The following TTPA variants were observed in gnomAD, a reference collection of about 807,000 sequenced individuals.
TTPA encodes the protein alpha tocopherol transfer protein, also known as alpha-tocopherol transfer protein.
Under a neutral mutation model 25.9 loss-of-function variants are expected in TTPA, and 23 were observed. The ratio of observed to expected loss-of-function variants is 0.89; its 90% confidence interval spans 0.64 to 1.26. The LOEUF (loss-of-function observed/expected upper bound fraction) is 1.26. Among genes scored for constraint, TTPA ranks in the 50% most tolerant of loss-of-function variants. The pLI, the probability that TTPA is intolerant of heterozygous loss-of-function variation, is 0.00. For missense variants in TTPA, 337 were observed against 353.1 expected, an observed-to-expected ratio of 0.95 and a Z score of 0.37; for synonymous variants, 148 against 137.3, an observed-to-expected ratio of 1.08 and a Z score of -0.54.
At chr8:63,083,545 T>A (rs539865305) in intron 1 of TTPA, among the ~76,000 whole-genome samples, 88 of 151,798 alleles carry the variant, frequency 5.8e-4, no homozygotes, top group Non-Finnish European at 1.0e-3. Flanking sequence ...AAATGACGAG[T>A]TGATGGGTGC....
rs10543235 is a variant in TTPA, at chr8:63,060,673, G to GA, written c.*578dup. On this transcript the variant is annotated 3_prime_UTR_variant, in exon 5 of 5. Coordinates refer to ENST00000260116, the MANE Select transcript of TTPA (RefSeq NM_000370.3). ...TGGGCGACAGAGCAAGACTCTGTCT[G>GA]AAAAAAAAAAAAAAAGTTTCTATCG... 168 of 145,678 alleles carry GA rather than the reference G, an allele frequency of 1.2e-3. No homozygotes were observed. The highest frequency in any genetic ancestry group is 3.6e-3 in the Middle Eastern group (1 of 278). The allele number at this position is 145,678 out of a possible 1,614,324, so 9.0% of individuals were successfully genotyped here. A position where few individuals can be genotyped will look rare whatever the true frequency, so the allele number is the denominator to read the frequency against.
chr8:63,083,030 C>T (rs1805688772), intron 1 of TTPA, among the ~76,000 whole-genome samples: 3 of 152,182 alleles, frequency 2.0e-5, no homozygotes, highest in African/African-American at 7.2e-5. Flanking sequence ...TGCTTTTACA[C>T]TGTTAGTGGG....
chr8:63,080,873 G>A (rs1232437464), intron 1 of TTPA, among the ~76,000 whole-genome samples: 1 of 151,832 alleles, frequency 6.6e-6, no homozygotes, highest in African/African-American at 2.4e-5. Context: ...ACACCTCTAT[G>A]CAAATAAACT....
chr8:63,083,489 G>A (rs1056450673), intron 1 of TTPA, among the ~76,000 whole-genome samples: 2 of 152,120 alleles, frequency 1.3e-5, no homozygotes, highest in African/African-American at 4.8e-5. Context: ...CCTGTTGGAG[G>A]GTGGTGAGCT....
In TTPA at chr8:63,073,237, A is replaced by T. The variant is rs1585691526; in HGVS notation, c.205-149T>A. 8.5e-6 allele frequency: 6 copies of T among 706,184 alleles called. No individual in the cohort carries two copies. The South Asian group carries it at 1.1e-4, about 13-fold the overall frequency. The allele number at this position is 706,184 out of a possible 1,614,324, so 43.7% of individuals were successfully genotyped here. On this transcript the variant is annotated intron_variant, in intron 1 of 4. Coordinates refer to ENST00000260116, the MANE Select transcript of TTPA (RefSeq NM_000370.3). ...GGTATCTTTTCAGCTGTGAAAACTGAAAGTTCTTTTATCAAGGATCTGAGG... is the reference window on the plus strand; with the variant it reads ...GGTATCTTTTCAGCTGTGAAAACTGTAAGTTCTTTTATCAAGGATCTGAGG...
Position 63,060,676 on chromosome 8 carries a change from A to G in TTPA, c.*576T>C, listed in dbSNP as rs1326300060. Reference sequence around the variant, plus strand: ...GCGACAGAGCAAGACTCTGTCTGAAAAAAAAAAAAAAAGTTTCTATCGTGT... The same window carrying G: ...GCGACAGAGCAAGACTCTGTCTGAAGAAAAAAAAAAAAGTTTCTATCGTGT... On this transcript the variant is annotated 3_prime_UTR_variant, in exon 5 of 5. Coordinates refer to ENST00000260116, the MANE Select transcript of TTPA (RefSeq NM_000370.3). 6.7e-5 allele frequency: 2 copies of G among 29,880 alleles called. No homozygotes were observed. 1.9% of individuals were successfully genotyped at this position (29,880 alleles called of 1,614,324 possible). A position where few individuals can be genotyped will look rare whatever the true frequency, so the allele number is the denominator to read the frequency against.
chr8:63,081,710 T>A (rs1475994572), intron 1 of TTPA, among the ~76,000 whole-genome samples: 2 of 152,202 alleles, frequency 1.3e-5, no homozygotes, highest in African/African-American at 2.4e-5. Flanking sequence ...TGTCCCTGTT[T>A]GCAGAAGACA....
chr8:63,084,840 G>T (rs1304845140), intron 1 of TTPA, among the ~76,000 whole-genome samples: 2 of 152,170 alleles, frequency 1.3e-5, no homozygotes, highest in Non-Finnish European at 2.9e-5. Context: ...CTGTCTCTAT[G>T]GAGTAGCCAT....
intron 4 of TTPA, 82 bp from the exon 5 acceptor site, chr8:63,061,507 C>A: frequency 8.2e-7 from 1 of 1,216,086 alleles, no homozygotes; most frequent in Non-Finnish European, 1.2e-6. Flanking sequence ...ACAAGGTATT[C>A]TAATAACTTC....
Position 63,061,137 on chromosome 8 carries a change from A to T in TTPA, c.*115T>A. On this transcript the variant is annotated 3_prime_UTR_variant, in exon 5 of 5. Transcript: ENST00000260116. ...CATGTCAGAAGATTTCTACATTTTT[A>T]AAGTTCAGGCAAGCATTAGTTTAAA... The T allele has an allele frequency of 9.0e-7, 1 of 1,111,172 alleles. No homozygotes were observed. Among genetic ancestry groups the T allele is most frequent in the Non-Finnish European group, 1.3e-6 (1 of 758,732 alleles). The allele number at this position is 1,111,172 out of a possible 1,614,324, so 68.8% of individuals were successfully genotyped here. A position where few individuals can be genotyped will look rare whatever the true frequency, so the allele number is the denominator to read the frequency against.
At chr8:63,058,542 T>C (rs1236902662), downstream of TTPA, among the ~76,000 whole-genome samples, 1 of 152,196 alleles carries the variant, frequency 6.6e-6, no homozygotes, top group Non-Finnish European at 1.5e-5. Context: ...TAAAGTAATA[T>C]AGACAATTAG....
At chr8:63,061,502 G>A in intron 4 of TTPA, 77 bp from the exon 5 acceptor site, 2 of 1,331,662 alleles carry the variant, frequency 1.5e-6, no homozygotes, top group East Asian at 2.3e-5. Flanking sequence ...ATAAAACAAG[G>A]TATTCTAATA....
chr8:63,085,495 G>T (rs1173685483), intron 1 of TTPA, among the ~76,000 whole-genome samples: 1 of 152,180 alleles, frequency 6.6e-6, no homozygotes, highest in Non-Finnish European at 1.5e-5. Context: ...GGAGAGGAAG[G>T]CATGTCCCCC....
chr8:63,081,143 A>C (rs1169140428), intron 1 of TTPA, among the ~76,000 whole-genome samples: 1 of 152,208 alleles, frequency 6.6e-6, no homozygotes, highest in East Asian at 1.9e-4. Flanking sequence ...TCATTTTATG[A>C]GGCCAGCATC....
chr8:63,076,634 A>G (rs1352383216), intron 1 of TTPA, among the ~76,000 whole-genome samples: 1 of 152,180 alleles, frequency 6.6e-6, no homozygotes, highest in Non-Finnish European at 1.5e-5. Context: ...CCAGAGGCTG[A>G]TGGTCAATTT....
chr8:63,076,068 G>A (rs540786649), intron 1 of TTPA, among the ~76,000 whole-genome samples: 3 of 152,232 alleles, frequency 2.0e-5, no homozygotes, highest in African/African-American at 7.2e-5. Flanking sequence ...ATTTGACAGC[G>A]CAGGCTCTCT....
intron 1 of TTPA, among the ~76,000 whole-genome samples, chr8:63,080,752 TAAA>T (rs896781376): frequency 4.9e-5 from 7 of 144,110 alleles, no homozygotes; most frequent in Non-Finnish European, 1.1e-4. Context: ...ATAATAATAA[TAAA>T]GAAGAAAAGA....
chr8:63,079,616 G>C (rs1805628572), intron 1 of TTPA, among the ~76,000 whole-genome samples: 1 of 152,148 alleles, frequency 6.6e-6, no homozygotes, highest in Non-Finnish European at 1.5e-5. Context: ...AATTCAACAA[G>C]AAGAGCTAAC....
At chr8:63,066,240 A>G (rs1161284888) in intron 2 of TTPA, 143 bp from the exon 3 acceptor site, 1 of 879,004 alleles carries the variant, frequency 1.1e-6, no homozygotes, top group East Asian at 2.6e-5. Flanking sequence ...AATAAATCCA[A>G]CTGGCGTCCA....
Sources: allele counts gnomAD v4.1 joint callset (sites outside exome capture counted in the v4.1 genomes callset), GRCh38; gene constraint gnomAD v4.1.1; transcripts MANE v1.5; gene names NCBI Gene and HGNC (gene_info 2026-07-23, HGNC 2026-07-21).